The following PCDHA11 variants were observed in gnomAD, a reference collection of about 807,000 sequenced individuals.
PCDHA11 encodes the protein protocadherin alpha-11.
In PCDHA11, 61 loss-of-function variants were observed where a neutral mutation model predicts 70.3. The observed-to-expected ratio is 0.87, with a 90% CI of 0.71 to 1.07. The LOEUF (loss-of-function observed/expected upper bound fraction) is 1.07, where lower values mean the gene tolerates loss of function less well. PCDHA11 is among the 50% of genes least tolerant of loss of function. PCDHA11 has a pLI of 0.00. For synonymous variants in PCDHA11, 633 were observed against 555.1 expected, an observed-to-expected ratio of 1.14 and a Z score of -1.97; for missense variants, 1,324 against 1,237.5, an observed-to-expected ratio of 1.07 and a Z score of -1.05.
At position 140,982,478 on chromosome 5, in the gene PCDHA11, T is replaced by C; in HGVS notation, c.2454T>C (p.Ser818=). ...CTGGGTCTGTGTGTTTATTCAGCTCTGTGCACCTAGAGGAGGCTGGCATTC... is the reference window on the plus strand; with the variant it reads ...CTGGGTCTGTGTGTTTATTCAGCTCCGTGCACCTAGAGGAGGCTGGCATTC... ...SASLRAGMHS[S]VHLEEAGILR... Residue 818 remains serine (S), a synonymous_variant, in exon 3 of 4, where the codon TCT becomes TCC. Coordinates refer to ENST00000398640, the MANE Select transcript of PCDHA11 (RefSeq NM_018902.5). 1 of 1,614,192 alleles carries C rather than the reference T, an allele frequency of 6.2e-7. No individual in the cohort carries two copies. The highest frequency in any genetic ancestry group is 2.2e-5 in the East Asian group (1 of 44,884).
chr5:140,927,702 C>T (rs533775539), intron 1 of PCDHA11: 2 of 1,614,210 alleles, frequency 1.2e-6, no homozygotes, highest in South Asian at 1.1e-5. Flanking sequence ...AAGTCCAGTA[C>T]TCCCTAAGCA....
At chr5:140,939,428 G>A (rs1417323934) in intron 1 of PCDHA11, among the ~76,000 whole-genome samples, 2 of 152,128 alleles carry the variant, frequency 1.3e-5, no homozygotes, top group Admixed American at 6.5e-5. Flanking sequence ...TCTTCCATAA[G>A]CATTTGAAGA....
intron 1 of PCDHA11, among the ~76,000 whole-genome samples, chr5:140,914,392 AC>A (rs1554196309): frequency 6.6e-6 from 1 of 151,928 alleles, no homozygotes; most frequent in Non-Finnish European, 1.5e-5. Flanking sequence ...AAGTGTAGTT[AC>A]CCCTGCTCCT....
In PCDHA11 at chr5:140,937,572, G is replaced by C. The variant is rs113857647; in HGVS notation, c.2392-41377G>C. On this transcript the variant is annotated intron_variant, in intron 1 of 3. Transcript: ENST00000398640. ...GCAGAGGTTGCAGTGAGCTGGGATC[G>C]CGTCACTGCACTCTAGCCTGGGCAA... Among the ~76,000 whole-genome samples, 273 of 151,500 alleles carry C rather than the reference G, an allele frequency of 1.8e-3. 1 individual carries two copies. Among genetic ancestry groups the C allele is most frequent in the African/African-American group, 6.4e-3 (263 of 41,048 alleles).
At chr5:140,925,479 A>G (rs2082513030) in intron 1 of PCDHA11, among the ~76,000 whole-genome samples, 1 of 152,116 alleles carries the variant, frequency 6.6e-6, no homozygotes. Context: ...TGTTTCTCAT[A>G]GAACTGATCA....
chr5:140,926,905 G>A (rs1228610236), intron 1 of PCDHA11: 1 of 1,558,988 alleles, frequency 6.4e-7, no homozygotes, highest in Admixed American at 1.8e-5. Flanking sequence ...GGTGGGCTGT[G>A]GGGTGGCAGT....
At chr5:140,915,582 G>T (rs991142864) in intron 1 of PCDHA11, among the ~76,000 whole-genome samples, 1 of 151,936 alleles carries the variant, frequency 6.6e-6, no homozygotes, top group Non-Finnish European at 1.5e-5. Context: ...CCAGGCAAAA[G>T]CACTTGTTCT....
In PCDHA11 at chr5:140,871,465, CAG is replaced by C; in HGVS notation, c.2363_2364del (p.Gln788ArgfsTer16). The C allele has an allele frequency of 6.2e-7, 1 of 1,602,850 alleles. No homozygotes were observed. The highest frequency in any genetic ancestry group is 8.5e-7 in the Non-Finnish European group (1 of 1,173,862). On this transcript the variant is annotated frameshift_variant, in exon 1 of 4. Coordinates refer to ENST00000398640, the MANE Select transcript of PCDHA11 (RefSeq NM_018902.5). LOFTEE classifies it high-confidence loss of function. Reference sequence around the variant, plus strand: ...GAATAAAGAGGAGGAAGGGGAAAGACAGGAGCCAGGGTCAAATCACCCCGGAC... The same window carrying C: ...GAATAAAGAGGAGGAAGGGGAAAGACGAGCCAGGGTCAAATCACCCCGGAC... ...GLNKEEEGER[Q>X]EPGSNHPGQP... is the part of the protein sequence containing the mutation.
intron 1 of PCDHA11, among the ~76,000 whole-genome samples, chr5:140,891,452 T>C (rs1554184844): frequency 6.7e-6 from 1 of 150,254 alleles, no homozygotes; most frequent in African/African-American, 2.4e-5. Flanking sequence ...ATAGGATTTT[T>C]GAATTTGTGA....
intron 1 of PCDHA11, chr5:140,881,212 G>A: frequency 9.7e-6 from 2 of 206,268 alleles, no homozygotes; most frequent in Non-Finnish European, 1.7e-5. Flanking sequence ...TCTAGCTGTT[G>A]TTTCTTGGAA....
intron 1 of PCDHA11, among the ~76,000 whole-genome samples, chr5:140,918,556 G>A (rs1584104800): frequency 2.0e-5 from 3 of 152,302 alleles, no homozygotes; most frequent in Non-Finnish European, 4.4e-5. Context: ...CAATTGAGAA[G>A]AATGTATATT....
chr5:140,883,457 C>A lies in PCDHA11; in HGVS notation c.2391+11963C>A, dbSNP rs142331981. 13 of 1,614,078 alleles carry A rather than the reference C, an allele frequency of 8.1e-6. No individual in the cohort carries two copies. Among genetic ancestry groups the A allele is most frequent in the Non-Finnish European group, 1.1e-5 (13 of 1,180,050 alleles). On this transcript the variant is annotated intron_variant, in intron 1 of 3. Transcript: ENST00000398640. ...CTTGACGCCGCATGTCCCCTTCAAG[C>A]TGGTGTCCACCTACAAGAACTACTA...
At chr5:140,938,395 C>G (rs2092045479) in intron 1 of PCDHA11, among the ~76,000 whole-genome samples, 1 of 152,114 alleles carries the variant, frequency 6.6e-6, no homozygotes, top group African/African-American at 2.4e-5. Context: ...ATATGAAATA[C>G]ATTGTTTGAT....
chr5:140,905,327 T>G (rs1446614190), intron 1 of PCDHA11, among the ~76,000 whole-genome samples: 1 of 152,202 alleles, frequency 6.6e-6, no homozygotes, highest in Non-Finnish European at 1.5e-5. Flanking sequence ...TATGCTTTGT[T>G]GAAGATCAGT....
Position 140,883,794 on chromosome 5 carries a change from C to T in PCDHA11, c.2391+12300C>T, listed in dbSNP as rs781822448. On this transcript the variant is annotated intron_variant, in intron 1 of 3. Coordinates refer to ENST00000398640, the MANE Select transcript of PCDHA11 (RefSeq NM_018902.5). ...GAGCGTGCGCTGTCGAGCTACGTGT[C>T]GGTGCACGCGGAGAGCGGCAAGGTG... 8 of 1,612,476 alleles carry T rather than the reference C, an allele frequency of 5.0e-6. No individual in the cohort carries two copies. The East Asian group carries it at 1.6e-4, about 31-fold the overall frequency.
rs537593818 is a variant in PCDHA11 at position 140,870,153 on chromosome 5, C to G, written c.1050C>G (p.Ala350=). The G allele has an allele frequency of 6.2e-7, 1 of 1,614,088 alleles. No individual in the cohort carries two copies. The highest frequency in any genetic ancestry group is 2.2e-5 in the East Asian group (1 of 44,880). The change falls in exon 1 of 4, where the codon GCC becomes GCG. Residue 350 remains alanine (A), a synonymous_variant. Transcript: ENST00000398640. ...CCAACGATAACTCTCCTGAAGTCGC[C>G]GTGACTTCCTTGTCCCTCCCAGTAC... is the stretch of plus-strand genomic sequence containing the variant. ...LDTNDNSPEV[A]VTSLSLPVRE... is the part of the protein sequence containing the mutation.
chr5:140,874,018 G>A (rs1033387450), intron 1 of PCDHA11, among the ~76,000 whole-genome samples: 2 of 152,114 alleles, frequency 1.3e-5, no homozygotes, highest in Admixed American at 1.3e-4. Context: ...TTTTGAAAAT[G>A]AAAAATAGGA....
intron 1 of PCDHA11, chr5:140,881,920 T>G (rs1205220705): frequency 1.2e-5 from 3 of 257,650 alleles, no homozygotes; most frequent in African/African-American, 6.6e-5. Flanking sequence ...TTGAGCAGAA[T>G]GCAGTGATTT....
intron 1 of PCDHA11, among the ~76,000 whole-genome samples, chr5:140,899,719 C>A (rs2067514429): frequency 6.6e-6 from 1 of 152,198 alleles, no homozygotes; most frequent in Non-Finnish European, 1.5e-5. Flanking sequence ...AGGATTCCCT[C>A]TTTTTCTATT....
Sources: allele counts gnomAD v4.1 joint callset (sites outside exome capture counted in the v4.1 genomes callset), GRCh38; gene constraint gnomAD v4.1.1; transcripts MANE v1.5; gene names NCBI Gene and HGNC (gene_info 2026-07-23, HGNC 2026-07-21).